Variants in SNW1 observed in about 807,000 individuals in gnomAD.
SNW1 encodes SNW domain containing 1, also known as SNW domain-containing protein 1.
SNW1 carries 9 observed loss-of-function variants against 75.6 expected under a neutral mutation model. That is an observed-to-expected ratio of 0.12 (90% confidence interval 0.07 to 0.21). SNW1 has a LOEUF of 0.21. Among genes scored for constraint, SNW1 ranks in the 10% least tolerant of loss-of-function variants. The pLI is 1.00. For synonymous variants in SNW1, 200 were observed against 219.1 expected (o/e 0.91, Z 0.77); for missense variants, 409 against 670.9 (o/e 0.61, Z 4.31).
At chr14:77,744,890 T>C (rs1458721969) in intron 3 of SNW1, among the ~76,000 whole-genome samples, 1 of 152,164 alleles carries the variant, frequency 6.6e-6, no homozygotes, top group East Asian at 1.9e-4. Context: ...AGAGTAAATT[T>C]CCAGTATATG....
chr14:77,751,531 A>C, intron 2 of SNW1, 51 bp from the exon 3 acceptor site: 3 of 1,412,898 alleles, frequency 2.1e-6, no homozygotes, highest in Non-Finnish European at 9.7e-7. Flanking sequence ...TTTGACATTC[A>C]AGATATATTC....
intron 12 of SNW1, among the ~76,000 whole-genome samples, chr14:77,719,657 CAA>C (rs71452871): frequency 6.6e-5 from 10 of 150,642 alleles, no homozygotes; most frequent in African/African-American, 1.5e-4. Flanking sequence ...CAAAAACAAA[CAA>C]AAAAAACTTT....
chr14:77,745,389 A>G, intron 3 of SNW1, among the ~76,000 whole-genome samples: 1 of 151,634 alleles, frequency 6.6e-6, no homozygotes, highest in Non-Finnish European at 1.5e-5. Context: ...CCTCATGGCA[A>G]ATATTTATAG....
At chr14:77,734,345 G>A (rs947876419) in intron 8 of SNW1, among the ~76,000 whole-genome samples, 3 of 152,118 alleles carry the variant, frequency 2.0e-5, no homozygotes, top group African/African-American at 7.2e-5. Flanking sequence ...ATAATTTTTA[G>A]ATATAAATTT....
At chr14:77,737,895 G>A (rs2139911600) in intron 5 of SNW1, among the ~76,000 whole-genome samples, 1 of 148,266 alleles carries the variant, frequency 6.7e-6, no homozygotes, top group East Asian at 2.0e-4. Context: ...AGGAGGTTGA[G>A]GCAGGAGAAT....
chr14:77,735,810 C>T lies in SNW1; in HGVS notation c.708+127G>A, dbSNP rs2080666545. 4.8e-6 allele frequency: 3 copies of T among 629,652 alleles called. No individual in the cohort carries two copies. In the Admixed American group the frequency reaches 9.4e-5, roughly 20 times the overall value. The allele number at this position is 629,652 out of a possible 1,614,324, so 39.0% of individuals were successfully genotyped here. On this transcript the variant is annotated intron_variant, in intron 7 of 13. Transcript: ENST00000261531. ...CTCATAAGCATTCTTGAAACTTCAT[C>T]TTGAAAAATAAAAAAAGAAACTACA... is the stretch of plus-strand genomic sequence containing the variant.
At chr14:77,722,461 A>G (rs1191190899) in intron 11 of SNW1, 9 of 453,174 alleles carry the variant, frequency 2.0e-5, no homozygotes, top group African/African-American at 1.0e-4. Flanking sequence ...TACTATGCAT[A>G]TAAAATGATC....
chr14:77,735,426 T>C (rs551895093), intron 7 of SNW1, among the ~76,000 whole-genome samples: 8 of 152,016 alleles, frequency 5.3e-5, no homozygotes, highest in African/African-American at 9.7e-5. Context: ...GCTGGGATTA[T>C]AGGCATGCGC....
chr14:77,740,431 AAAAGTGTGAGCCACTTTATGGCTTAT>A (rs2080709397), intron 3 of SNW1, among the ~76,000 whole-genome samples: 1 of 152,142 alleles, frequency 6.6e-6, no homozygotes, highest in African/African-American at 2.4e-5. Flanking sequence ...AACAGAGCAA[AAAAGTGTGAGCCACTTTATGGCTTAT>A]GCAACTTGAC....
chr14:77,744,513 A>C (rs1387996225), intron 3 of SNW1, among the ~76,000 whole-genome samples: 1 of 151,898 alleles, frequency 6.6e-6, no homozygotes, highest in Non-Finnish European at 1.5e-5. Context: ...AACAAGGAAC[A>C]ATGCTTTGGA....
chr14:77,720,495 C>T, intron 12 of SNW1: 1 of 706,986 alleles, frequency 1.4e-6, no homozygotes, highest in East Asian at 2.7e-5. Flanking sequence ...TTTTAATCAC[C>T]TAATTTCTTT....
chr14:77,721,391 T>C (rs2080539692), intron 11 of SNW1, among the ~76,000 whole-genome samples: 1 of 152,346 alleles, frequency 6.6e-6, no homozygotes, highest in Admixed American at 6.5e-5. Flanking sequence ...ATGGTAACTG[T>C]CATTACTTGT....
chr14:77,718,679 T>G (rs2080511085), intron 12 of SNW1, 149 bp from the exon 13 acceptor site: 1 of 545,024 alleles, frequency 1.8e-6, no homozygotes, highest in Admixed American at 3.2e-5. Context: ...ATTAAAAAAC[T>G]GGTAGCACAT....
intron 1 of SNW1, among the ~76,000 whole-genome samples, chr14:77,756,615 G>T (rs1354577274): frequency 5.3e-5 from 8 of 152,218 alleles, no homozygotes; most frequent in Admixed American, 4.6e-4. Flanking sequence ...CAGCCATGGT[G>T]GCTCACACCT....
intron 1 of SNW1, among the ~76,000 whole-genome samples, chr14:77,760,029 TATTCC>T (rs2080874619): frequency 1.3e-5 from 2 of 152,122 alleles, no homozygotes; most frequent in South Asian, 2.1e-4. Context: ...CCACATAACT[TATTCC>T]ATTCAATTCT....
At chr14:77,722,558 A>G (rs77385865) in intron 11 of SNW1, 6,007 of 435,392 alleles carry the variant, frequency 0.014, 70 homozygotes, top group Middle Eastern at 0.035. Context: ...AGAACGGACT[A>G]TAACAGTCCA....
Position 77,727,046 on chromosome 14 carries a change from T to C in SNW1, c.1034-3769A>G, listed in dbSNP as rs145561407. Among the ~76,000 whole-genome samples the C allele has an allele frequency of 6.1e-4, 91 of 149,826 alleles. 4 individuals carry two copies. In the East Asian group the frequency reaches 0.015, roughly 25 times the overall value. On this transcript the variant is annotated intron_variant, in intron 10 of 13. Coordinates refer to ENST00000261531, the MANE Select transcript of SNW1 (RefSeq NM_012245.3). Reference sequence around the variant, plus strand: ...CATACTGTCTCTGACAAAGTATAATTTGATGTCTTGTTTTTTTTTGTTTTT... The same window carrying C: ...CATACTGTCTCTGACAAAGTATAATCTGATGTCTTGTTTTTTTTTGTTTTT...
At chr14:77,731,524 A>G (rs2080626835) in intron 9 of SNW1, among the ~76,000 whole-genome samples, 1 of 152,246 alleles carries the variant, frequency 6.6e-6, no homozygotes, top group Admixed American at 6.5e-5. Context: ...CCTAGGCAAC[A>G]TAGTGAGATC....
At chr14:77,747,503 G>T (rs1191610399) in intron 3 of SNW1, among the ~76,000 whole-genome samples, 1 of 151,702 alleles carries the variant, frequency 6.6e-6, no homozygotes, top group African/African-American at 2.4e-5. Flanking sequence ...CATCGTCTGA[G>T]ATGTGGTGAG....
Sources: gnomAD v4.1 joint callset for allele counts (sites outside exome capture counted in the v4.1 genomes callset) on GRCh38, gnomAD v4.1.1 for gene constraint, MANE v1.5 for transcripts, NCBI Gene and HGNC (gene_info 2026-07-23, HGNC 2026-07-21) for gene names.